The following XRN1 variants were observed in gnomAD, a reference collection of about 807,000 sequenced individuals.
XRN1 encodes 5'-3' exoribonuclease 1.
Under a neutral mutation model 222.3 loss-of-function variants are expected in XRN1, and 67 were observed. That is an observed-to-expected ratio of 0.30 (90% CI 0.25 to 0.37). The LOEUF is 0.37. XRN1 is among the 10% of genes least tolerant of loss of function. The pLI, the probability that XRN1 is intolerant of heterozygous loss-of-function variation, is 1.00. For synonymous variants in XRN1, 643 were observed against 652.4 expected (o/e 0.99, Z 0.22); for missense variants, 1,707 against 2,000.2 (o/e 0.85, Z 2.80).
intron 20 of XRN1, among the ~76,000 whole-genome samples, chr3:142,393,835 T>C (rs181353781): frequency 6.8e-6 from 1 of 147,780 alleles, no homozygotes; most frequent in East Asian, 2.0e-4. Context: ...TCCCAGACCT[T>C]TTTTTTTTTT....
intron 13 of XRN1, among the ~76,000 whole-genome samples, chr3:142,416,384 T>C (rs1276075831): frequency 6.6e-6 from 1 of 152,166 alleles, no homozygotes; most frequent in Non-Finnish European, 1.5e-5. Context: ...GGTTTCACCA[T>C]GTTGGCCAGG....
At chr3:142,316,235 T>TTTG (rs1560280116) in intron 39 of XRN1, among the ~76,000 whole-genome samples, 18 of 147,912 alleles carry the variant, frequency 1.2e-4, no homozygotes, top group South Asian at 4.2e-4. Flanking sequence ...TTTTTTTTTT[T>TTTG]GAGACAGGTC....
chr3:142,388,640 C>G (rs534992524), intron 20 of XRN1, among the ~76,000 whole-genome samples: 1 of 152,118 alleles, frequency 6.6e-6, no homozygotes, highest in East Asian at 1.9e-4. Flanking sequence ...GGATGGCTGA[C>G]GCAATTTTTG....
At chr3:142,353,447 A>G (rs1450458367) in intron 32 of XRN1, among the ~76,000 whole-genome samples, 4 of 152,198 alleles carry the variant, frequency 2.6e-5, no homozygotes, top group Non-Finnish European at 4.4e-5. Context: ...TGTATCTGCC[A>G]TGTAACAAAA....
chr3:142,371,787 C>T (rs2066998823), intron 25 of XRN1, among the ~76,000 whole-genome samples: 2 of 152,300 alleles, frequency 1.3e-5, no homozygotes, highest in African/African-American at 2.4e-5. Flanking sequence ...ATATGCTTAT[C>T]TTCCATCCCT....
rs916174693 is a variant in XRN1 at position 142,310,734 on chromosome 3, G to A, written c.*777C>T. 3.2e-4 allele frequency: 49 copies of A among 152,540 alleles called. No homozygotes were observed. The highest frequency in any genetic ancestry group is 1.1e-3 in the African/African-American group (47 of 41,434). The allele number at this position is 152,540 out of a possible 1,614,324, so 9.4% of individuals were successfully genotyped here. A position where few individuals can be genotyped will look rare whatever the true frequency, so the allele number is the denominator to read the frequency against. On this transcript the variant is annotated 3_prime_UTR_variant, in exon 41 of 41. Coordinates refer to ENST00000392981, the MANE Select transcript of XRN1 (RefSeq NM_001282857.2). ...TTTTATTTTGTTAGAAGATTAATTT[G>A]TAATCATTGTACCCTGTAGATTTTG...
In XRN1 at chr3:142,435,762, C is replaced by CAAAA. The variant is rs1176485060; in HGVS notation, c.76-2873_76-2870dup. ...ACAGAGTGAAACTGTCCCCACCCCC[C>CAAAA]AAAAAAAAAAAAAAAAAAAGGCCAG... is the stretch of plus-strand genomic sequence containing the variant. On this transcript the variant is annotated intron_variant, in intron 1 of 40. Transcript: ENST00000392981. 4.3e-3 allele frequency among the ~76,000 whole-genome samples: 253 copies of CAAAA among 58,400 alleles called. 3 individuals are homozygous for CAAAA. The highest frequency in any genetic ancestry group is 0.017 in the African/African-American group (240 of 14,442). 38.3% of individuals were successfully genotyped at this position (58,400 alleles called of 152,430 possible).
At chr3:142,435,615 T>C (rs1016851597) in intron 1 of XRN1, among the ~76,000 whole-genome samples, 15 of 151,270 alleles carry the variant, frequency 9.9e-5, no homozygotes, top group Non-Finnish European at 1.6e-4. Flanking sequence ...AAAATTAGCC[T>C]GGGTGGTGGC....
At chr3:142,365,209 A>G in intron 28 of XRN1, 30 bp from the exon 29 acceptor site, 1 of 1,584,908 alleles carries the variant, frequency 6.3e-7, no homozygotes, top group Non-Finnish European at 8.5e-7. Flanking sequence ...TAATTATAAT[A>G]AACAAAAAAA....
In XRN1 at chr3:142,318,584, T is replaced by C. The variant is rs1324748932; in HGVS notation, c.4621+8A>G. 12 of 1,590,254 alleles carry C rather than the reference T, an allele frequency of 7.5e-6. No homozygotes were observed. The highest frequency in any genetic ancestry group is 1.0e-5 in the Non-Finnish European group (12 of 1,167,540). ...ATGACAAATACTTATAAATGAAAAATATCTTACCAGTAGGTGGGGGAAAGG... is the reference window on the plus strand; with the variant it reads ...ATGACAAATACTTATAAATGAAAAACATCTTACCAGTAGGTGGGGGAAAGG... On this transcript the variant is annotated splice_region_variant and intron_variant, in intron 39 of 40. Transcript: ENST00000392981.
rs1383501969 is a variant in XRN1, at chr3:142,312,869, A to G, written c.4622-111T>C. ...TTGGGCTTTTTTTTTCCCCTTTGGCAAAAGGCCTACACTTACTTCACCTAT... is the reference window on the plus strand; with the variant it reads ...TTGGGCTTTTTTTTTCCCCTTTGGCGAAAGGCCTACACTTACTTCACCTAT... On this transcript the variant is annotated intron_variant, in intron 39 of 40. Coordinates refer to ENST00000392981, the MANE Select transcript of XRN1 (RefSeq NM_001282857.2). 3 of 1,140,032 alleles carry G rather than the reference A, an allele frequency of 2.6e-6. No individual in the cohort carries two copies. In the East Asian group the frequency reaches 7.2e-5, roughly 27 times the overall value. 70.6% of individuals were successfully genotyped at this position (1,140,032 alleles called of 1,614,324 possible). A position where few individuals can be genotyped will look rare whatever the true frequency, so the allele number is the denominator to read the frequency against.
chr3:142,427,348 A>C (rs1394230033), intron 2 of XRN1, among the ~76,000 whole-genome samples: 1 of 152,168 alleles, frequency 6.6e-6, no homozygotes, highest in Non-Finnish European at 1.5e-5. Flanking sequence ...AAAAAAAAAA[A>C]AATTGAATTT....
chr3:142,355,407 T>C lies in XRN1; in HGVS notation c.3762A>G (p.Gln1254=). 1 of 1,555,560 alleles carries C rather than the reference T, an allele frequency of 6.4e-7. No homozygotes were observed. Among genetic ancestry groups the C allele is most frequent in the East Asian group, 2.3e-5 (1 of 43,584 alleles). Residue 1254 remains glutamine (Q), a synonymous_variant, in exon 32 of 41, where the codon CAA becomes CAG. Coordinates refer to ENST00000392981, the MANE Select transcript of XRN1 (RefSeq NM_001282857.2). ...CAAAACAAGGAATACTAACCTTCTCTTGTATAGTTGGCTGAAAGTATTGCA... is the reference window on the plus strand; with the variant it reads ...CAAAACAAGGAATACTAACCTTCTCCTGTATAGTTGGCTGAAAGTATTGCA... The part of the protein sequence containing the change: ...GKMQYFQPTI[Q]EKGAVLPQEI...
chr3:142,346,518 G>A (rs2066147710), intron 33 of XRN1, among the ~76,000 whole-genome samples: 2 of 150,058 alleles, frequency 1.3e-5, no homozygotes, highest in African/African-American at 4.9e-5. Context: ...GTCTCACTCT[G>A]TCACCCAGGC....
chr3:142,383,367 T>C lies in XRN1; in HGVS notation c.2549A>G (p.Asp850Gly). The C allele has an allele frequency of 6.2e-7, 1 of 1,614,048 alleles. No individual in the cohort carries two copies. Among genetic ancestry groups the C allele is most frequent in the Non-Finnish European group, 8.5e-7 (1 of 1,179,972 alleles). ...DSRFSNIKTL[D>G]DLFPLRSMVF... ...CATACTTCTCAGAGGAAACAAATCA[T>C]CCAATGTTTTGATATTGGAGAAACG... Residue 850 changes from aspartate to glycine, a missense_variant, in exon 22 of 41, where the codon GAT becomes GGT. Physicochemically the swap from Asp to Gly is moderately conservative, Grantham distance 94. This residue lies in a region of XRN1 where 1,234 missense variants were observed against 1,518.2 expected (regional missense o/e 0.81). Coordinates refer to ENST00000392981, the MANE Select transcript of XRN1 (RefSeq NM_001282857.2).
intron 20 of XRN1, among the ~76,000 whole-genome samples, chr3:142,388,933 T>G (rs1465114745): frequency 2.6e-5 from 4 of 152,182 alleles, no homozygotes; most frequent in Admixed American, 1.3e-4. Context: ...CTTGGCCGGG[T>G]GCATTGGCTC....
intron 37 of XRN1, among the ~76,000 whole-genome samples, chr3:142,326,769 G>T (rs74994418): frequency 0.07 from 10,610 of 151,990 alleles, 1,244 homozygotes; most frequent in African/African-American, 0.24. Context: ...TGGGTTTGTT[G>T]TTGTTTATTA....
At chr3:142,427,460 C>A (rs1226859247) in intron 2 of XRN1, among the ~76,000 whole-genome samples, 9 of 151,912 alleles carry the variant, frequency 5.9e-5, no homozygotes, top group Non-Finnish European at 1.2e-4. Context: ...AAAATAAGAT[C>A]AAAAGTATAG....
intron 33 of XRN1, among the ~76,000 whole-genome samples, chr3:142,342,846 T>G (rs1319623931): frequency 1.3e-5 from 2 of 152,012 alleles, no homozygotes; most frequent in African/African-American, 4.8e-5. Flanking sequence ...TTGGGGAAAC[T>G]CCGACACTGG....
Sources: allele counts gnomAD v4.1 joint callset (sites outside exome capture counted in the v4.1 genomes callset), GRCh38; gene constraint gnomAD v4.1.1; regional missense constraint gnomAD v4.1.1; transcripts MANE v1.5; gene names NCBI Gene and HGNC (gene_info 2026-07-23, HGNC 2026-07-21).